Variants in ANO2 observed in about 807,000 individuals in gnomAD.
The protein encoded by ANO2 is anoctamin 2.
Under a neutral mutation model 124.2 loss-of-function variants are expected in ANO2, and 101 were observed. The observed-to-expected ratio is 0.81, with a 90% confidence interval of 0.69 to 0.96. The LOEUF (loss-of-function observed/expected upper bound fraction) is 0.96, where lower values mean the gene tolerates loss of function less well. ANO2 is among the 40% of genes least tolerant of loss of function. The pLI is 0.00. For synonymous variants in ANO2, 486 were observed against 482.5 expected (o/e 1.01, Z -0.09); for missense variants, 1,293 against 1,274.5 (o/e 1.01, Z -0.22).
chr12:5,778,183 T>A (rs1026741342), intron 10 of ANO2, among the ~76,000 whole-genome samples: 4 of 152,254 alleles, frequency 2.6e-5, no homozygotes, highest in African/African-American at 9.6e-5. Flanking sequence ...CTAATCTAAG[T>A]AGTTTTCAAA....
At chr12:5,914,649 G>A (rs1385445916) in intron 3 of ANO2, among the ~76,000 whole-genome samples, 14 of 152,102 alleles carry the variant, frequency 9.2e-5, no homozygotes, top group Non-Finnish European at 1.0e-4. Context: ...TCTCAAGAAA[G>A]CCAGCCCCTA....
At chr12:5,742,977 C>T (rs897039018) in intron 12 of ANO2, among the ~76,000 whole-genome samples, 3 of 152,040 alleles carry the variant, frequency 2.0e-5, no homozygotes, top group African/African-American at 7.2e-5. Flanking sequence ...CGTGTGCTCC[C>T]GGGACGCAGC....
Position 5,667,278 on chromosome 12 carries a change from T to A in ANO2, c.1546-19477A>T, listed in dbSNP as rs188767094. Among the ~76,000 whole-genome samples, 93 of 152,256 alleles carry A rather than the reference T, an allele frequency of 6.1e-4. 1 individual carries two copies. The highest frequency in any genetic ancestry group is 2.2e-3 in the African/African-American group (92 of 41,558). The stretch of plus-strand genomic sequence containing the variant: ...TTGAATTTGCAATTGCTGTCAGAAG[T>A]GTAGATCAAGTTCCCACACTTCACA... On this transcript the variant is annotated intron_variant, in intron 14 of 24. Coordinates refer to ENST00000682330, the MANE Select transcript of ANO2 (RefSeq NM_001364791.2).
At chr12:5,578,600 T>C in intron 20 of ANO2, 82 bp from the exon 21 acceptor site, 1 of 1,424,844 alleles carries the variant, frequency 7.0e-7, no homozygotes, top group Non-Finnish European at 9.5e-7. Context: ...CAGCCCCTTG[T>C]CCTTTCTGCC....
Position 5,774,783 on chromosome 12 carries a change from T to A in ANO2, c.1056-23813A>T, listed in dbSNP as rs142530288. 5.1e-3 allele frequency among the ~76,000 whole-genome samples: 780 copies of A among 152,242 alleles called. 8 individuals are homozygous for A. Among genetic ancestry groups the A allele is most frequent in the African/African-American group, 0.018 (745 of 41,530 alleles). ...AGCCCAGGTCCTGCCCCCAGGTTCA[T>A]CCATGTGAAATTTCAACTGAGCCCT... is the stretch of plus-strand genomic sequence containing the variant. On this transcript the variant is annotated intron_variant, in intron 10 of 24. Coordinates refer to ENST00000682330, the MANE Select transcript of ANO2 (RefSeq NM_001364791.2).
intron 3 of ANO2, among the ~76,000 whole-genome samples, chr12:5,878,920 C>G (rs1335790454): frequency 6.6e-6 from 1 of 152,212 alleles, no homozygotes; most frequent in Non-Finnish European, 1.5e-5. Context: ...ATTTTATCCT[C>G]AAGCAGATTG....
chr12:5,867,255 G>C (rs1955451352), intron 3 of ANO2, among the ~76,000 whole-genome samples: 1 of 152,134 alleles, frequency 6.6e-6, no homozygotes, highest in African/African-American at 2.4e-5. Context: ...ATATTTCAAG[G>C]GGCTACCTGG....
intron 16 of ANO2, among the ~76,000 whole-genome samples, chr12:5,620,626 C>T (rs558453565): frequency 2.0e-5 from 3 of 151,630 alleles, no homozygotes; most frequent in Admixed American, 1.3e-4. Context: ...CTATAGCAGG[C>T]GTTGAATTGG....
At chr12:5,821,067 T>TC (rs1225042212) in intron 7 of ANO2, among the ~76,000 whole-genome samples, 2 of 152,220 alleles carry the variant, frequency 1.3e-5, no homozygotes, top group African/African-American at 4.8e-5. Flanking sequence ...TGATCGTTTT[T>TC]CGCTTCCACA....
upstream of ANO2, chr12:5,945,271 T>G: frequency 1.6e-6 from 2 of 1,262,794 alleles, no homozygotes; most frequent in South Asian, 1.3e-5. Context: ...GGCAGGCTTA[T>G]GCCGCCGCGG....
chr12:5,676,435 G>A (rs947776463), intron 14 of ANO2, among the ~76,000 whole-genome samples: 1 of 152,160 alleles, frequency 6.6e-6, no homozygotes, highest in Non-Finnish European at 1.5e-5. Context: ...TAATTATTGA[G>A]TAGAAAACTC....
chr12:5,780,673 A>ACGTGG (rs1490408931), intron 10 of ANO2, among the ~76,000 whole-genome samples: 1 of 152,208 alleles, frequency 6.6e-6, no homozygotes, highest in Non-Finnish European at 1.5e-5. Flanking sequence ...CTGGCCGTGT[A>ACGTGG]CGTGGCCGCA....
chr12:5,796,931 A>G (rs1244336061), intron 10 of ANO2, among the ~76,000 whole-genome samples: 1 of 152,248 alleles, frequency 6.6e-6, no homozygotes, highest in Non-Finnish European at 1.5e-5. Context: ...ATTGGCACAG[A>G]GGAGGAGCAC....
intron 14 of ANO2, among the ~76,000 whole-genome samples, chr12:5,668,896 T>C (rs1220821464): frequency 6.6e-6 from 1 of 152,204 alleles, no homozygotes; most frequent in Non-Finnish European, 1.5e-5. Flanking sequence ...TCCTGTTCCA[T>C]TGGTCTGTGT....
At chr12:5,858,236 T>G (rs1015778365) in intron 3 of ANO2, among the ~76,000 whole-genome samples, 1 of 152,254 alleles carries the variant, frequency 6.6e-6, no homozygotes, top group Non-Finnish European at 1.5e-5. Context: ...CTAACTACCC[T>G]GATTTAATCA....
intron 23 of ANO2, among the ~76,000 whole-genome samples, chr12:5,568,917 G>C (rs1004462031): frequency 6.6e-6 from 1 of 152,230 alleles, no homozygotes; most frequent in African/African-American, 2.4e-5. Context: ...TGAAGACGGA[G>C]GGTCAACGCC....
Position 5,638,237 on chromosome 12 carries a change from C to CTTTTTTTTTTT in ANO2, c.1621-2901_1621-2891dup, listed in dbSNP as rs35224024. Among the ~76,000 whole-genome samples, 225 of 124,804 alleles carry CTTTTTTTTTTT rather than the reference C, an allele frequency of 1.8e-3. 22 individuals are homozygous for CTTTTTTTTTTT. Among genetic ancestry groups the CTTTTTTTTTTT allele is most frequent in the African/African-American group, 2.8e-3 (95 of 34,088 alleles). The allele number at this position is 124,804 out of a possible 152,430, so 81.9% of individuals were successfully genotyped here. ...ATCTTCACTAGCACTGTTTCTTTTC[C>CTTTTTTTTTTT]TTTTTTTTTTTTTTTTGAGACGGAG... On this transcript the variant is annotated intron_variant, in intron 15 of 24. Transcript: ENST00000682330.
At chr12:5,567,408 C>T (rs1941832947) in intron 23 of ANO2, among the ~76,000 whole-genome samples, 1 of 152,212 alleles carries the variant, frequency 6.6e-6, no homozygotes, top group East Asian at 1.9e-4. Flanking sequence ...CCGTCGCCCC[C>T]AGACAGGACG....
chr12:5,598,769 T>G (rs188769893), intron 20 of ANO2, among the ~76,000 whole-genome samples: 2 of 152,350 alleles, frequency 1.3e-5, no homozygotes, highest in East Asian at 3.9e-4. Flanking sequence ...TATAGTCAAG[T>G]AGCCAACAGT....
Sources: gnomAD v4.1 joint callset for allele counts (sites outside exome capture counted in the v4.1 genomes callset) on GRCh38, gnomAD v4.1.1 for gene constraint, MANE v1.5 for transcripts, NCBI Gene and HGNC (gene_info 2026-07-23, HGNC 2026-07-21) for gene names.